RPRD2: variants seen among roughly 807,000 people sequenced by gnomAD.
RPRD2 encodes regulation of nuclear pre-mRNA domain containing 2, also known as regulation of nuclear pre-mRNA domain-containing protein 2.
RPRD2 carries 12 observed loss-of-function variants against 104.4 expected under a neutral mutation model. The observed-to-expected ratio is 0.11, with a 90% CI of 0.07 to 0.19. RPRD2 has a LOEUF of 0.19. RPRD2 is among the 10% of genes least tolerant of loss of function. The probability of loss-of-function intolerance (pLI) is 1.00; values close to 1 mark genes in which losing one functional copy is unlikely to be tolerated. For missense variants in RPRD2, 1,543 were observed against 1,790.1 expected (o/e 0.86, Z 2.49); for synonymous variants, 714 against 684.9 (o/e 1.04, Z -0.66).
intron 1 of RPRD2, among the ~76,000 whole-genome samples, chr1:150,393,422 A>T (rs901150683): frequency 2.7e-4 from 38 of 142,332 alleles, no homozygotes; most frequent in Admixed American, 4.6e-4. Flanking sequence ...CTGCCACTGC[A>T]CTCTAGCCTG....
At chr1:150,436,586 A>C (rs1404979156) in intron 2 of RPRD2, among the ~76,000 whole-genome samples, 4 of 149,498 alleles carry the variant, frequency 2.7e-5, no homozygotes, top group African/African-American at 9.9e-5. Flanking sequence ...GCAACAGAGC[A>C]AGACTCCGTC....
At chr1:150,452,158 AAG>A (rs869085085) in intron 7 of RPRD2, among the ~76,000 whole-genome samples, 1,579 of 97,836 alleles carry the variant, frequency 0.016, 38 homozygotes, top group African/African-American at 0.052. Context: ...AAAAAAAAAA[AAG>A]AGAGAGAGAG....
chr1:150,374,233 A>G (rs1408452475), intron 1 of RPRD2, among the ~76,000 whole-genome samples: 1 of 152,092 alleles, frequency 6.6e-6, no homozygotes, highest in Non-Finnish European at 1.5e-5. Context: ...ATCCAAAAGG[A>G]CTGGTTTTGG....
chr1:150,403,736 C>T (rs976379711), intron 1 of RPRD2, among the ~76,000 whole-genome samples: 6 of 152,014 alleles, frequency 3.9e-5, no homozygotes, highest in Non-Finnish European at 7.4e-5. Context: ...GCAACCTCTG[C>T]CTCCCAGGTT....
chr1:150,472,085 A>G lies in RPRD2; in HGVS notation c.3137A>G (p.Gln1046Arg). 1 of 1,613,808 alleles carries G rather than the reference A, an allele frequency of 6.2e-7. No homozygotes were observed. The highest frequency in any genetic ancestry group is 1.1e-5 in the South Asian group (1 of 91,088). ...SDGVSLSNLT[Q>R]PSLTATDQQQ... ...GGTGTCAGTCTCTCAAACCTCACCC[A>G]ACCCAGCTTGACCGCCACTGATCAG... Residue 1046 changes from glutamine to arginine, a missense_variant, in exon 11 of 11, where the codon CAA becomes CGA. Coordinates refer to ENST00000369068, the MANE Select transcript of RPRD2 (RefSeq NM_015203.5).
At chr1:150,412,964 T>A (rs1664050172) in intron 1 of RPRD2, among the ~76,000 whole-genome samples, 1 of 151,452 alleles carries the variant, frequency 6.6e-6, no homozygotes, top group Non-Finnish European at 1.5e-5. Context: ...ATAAATCTGA[T>A]CTTTTCTTAA....
At chr1:150,385,313 C>T (rs1661483810) in intron 1 of RPRD2, among the ~76,000 whole-genome samples, 1 of 151,696 alleles carries the variant, frequency 6.6e-6, no homozygotes, top group Non-Finnish European at 1.5e-5. Context: ...CGCACCACCC[C>T]CACCAAAAAA....
At chr1:150,435,933 C>A (rs1665958384) in intron 2 of RPRD2, among the ~76,000 whole-genome samples, 1 of 152,186 alleles carries the variant, frequency 6.6e-6, no homozygotes, top group Non-Finnish European at 1.5e-5. Context: ...GGAGCTAATA[C>A]AGCTGTCTGG....
Position 150,473,556 on chromosome 1 carries a change from TAAAAAAAAAA to T in RPRD2, c.*236_*245del, listed in dbSNP as rs61486244. Reference sequence around the variant, plus strand: ...TCTACCTTCCCCAAGTTGTTTGTATTAAAAAAAAAAAAAAAAAAAAAAAGTAAAGAAACAC... The same window carrying T: ...TCTACCTTCCCCAAGTTGTTTGTATTAAAAAAAAAAAAAGTAAAGAAACAC... On this transcript the variant is annotated 3_prime_UTR_variant, in exon 11 of 11. Coordinates refer to ENST00000369068, the MANE Select transcript of RPRD2 (RefSeq NM_015203.5). The T allele has an allele frequency of 8.1e-5, 8 of 98,396 alleles. No homozygotes were observed. Among genetic ancestry groups the T allele is most frequent in the Non-Finnish European group, 1.3e-4 (7 of 52,040 alleles). 6.1% of individuals were successfully genotyped at this position (98,396 alleles called of 1,614,324 possible).
At chr1:150,423,813 A>G (rs1001275946) in intron 2 of RPRD2, among the ~76,000 whole-genome samples, 1 of 149,320 alleles carries the variant, frequency 6.7e-6, no homozygotes, top group Non-Finnish European at 1.5e-5. Context: ...TTTTTTTGAG[A>G]CAGAGTTTCG....
Position 150,472,983 on chromosome 1 carries a change from A to G in RPRD2, c.4035A>G (p.Gly1345=), listed in dbSNP as rs1321693009. 6.2e-7 allele frequency: 1 copy of G among 1,613,886 alleles called. No individual in the cohort carries two copies. Among genetic ancestry groups the G allele is most frequent in the Non-Finnish European group, 8.5e-7 (1 of 1,179,854 alleles). The change falls in exon 11 of 11, where the codon GGA becomes GGG. Residue 1345 remains glycine, a synonymous_variant. Transcript: ENST00000369068. ...TLAEHFGVLP[G]PRDHGGPTQR... Reference sequence around the variant, plus strand: ...CTGAGCATTTTGGGGTACTCCCAGGACCCAGGGACCACGGGGGCCCCACCC... The same window carrying G: ...CTGAGCATTTTGGGGTACTCCCAGGGCCCAGGGACCACGGGGGCCCCACCC...
At chr1:150,398,249 T>C (rs1475497687) in intron 1 of RPRD2, among the ~76,000 whole-genome samples, 3 of 151,596 alleles carry the variant, frequency 2.0e-5, no homozygotes, top group African/African-American at 7.3e-5. Flanking sequence ...CAGGCTGGAG[T>C]GCAGTGGCGC....
intron 7 of RPRD2, among the ~76,000 whole-genome samples, chr1:150,447,432 T>C (rs1388823493): frequency 1.3e-5 from 2 of 151,640 alleles, no homozygotes; most frequent in Non-Finnish European, 2.9e-5. Context: ...CCTCCTGGGT[T>C]CAAGTGATTC....
chr1:150,406,303 C>T (rs781966764), intron 1 of RPRD2, among the ~76,000 whole-genome samples: 12 of 152,150 alleles, frequency 7.9e-5, no homozygotes, highest in Admixed American at 6.5e-4. Flanking sequence ...AGAACATATA[C>T]CCCCATGTTA....
chr1:150,383,409 G>C (rs1553881189), intron 1 of RPRD2, among the ~76,000 whole-genome samples: 1 of 149,748 alleles, frequency 6.7e-6, no homozygotes. Context: ...CCACCTCTCA[G>C]GTTCAAGCGA....
intron 9 of RPRD2, among the ~76,000 whole-genome samples, chr1:150,463,166 T>A (rs1048407351): frequency 6.6e-6 from 1 of 152,030 alleles, no homozygotes; most frequent in Non-Finnish European, 1.5e-5. Context: ...CGAAATTTTT[T>A]AAATAAATTT....
At position 150,471,681 on chromosome 1, in the gene RPRD2, G is replaced by T. The variant is rs776988265; in HGVS notation, c.2733G>T (p.Gly911=). The change falls in exon 11 of 11, where the codon GGG becomes GGT. Residue 911 remains glycine, a synonymous_variant. Transcript: ENST00000369068. This position sits in a 1 kb window ranked among gnomAD's most constrained non-coding sequence, Gnocchi z 5.3. ...ENCDRLSSSP[G]LFGAFSVRGN... is the part of the protein sequence containing the mutation. ...GTGACCGTCTCTCATCTTCCCCTGG[G>T]CTATTTGGTGCCTTCAGCGTAAGAG... is the stretch of plus-strand genomic sequence containing the variant. 1.2e-6 allele frequency: 2 copies of T among 1,613,836 alleles called. No homozygotes were observed. The highest frequency in any genetic ancestry group is 1.7e-6 in the Non-Finnish European group (2 of 1,179,876).
intron 2 of RPRD2, 128 bp downstream of exon 2, chr1:150,417,853 AT>A (rs1664462845): frequency 1.0e-5 from 6 of 577,060 alleles, no homozygotes; most frequent in Admixed American, 4.0e-5. Context: ...TAAATGGTTG[AT>A]TATTACTTTC....
At chr1:150,366,724 C>A (rs1456160172) in intron 1 of RPRD2, among the ~76,000 whole-genome samples, 2 of 152,170 alleles carry the variant, frequency 1.3e-5, no homozygotes, top group East Asian at 3.8e-4. Flanking sequence ...TAATGTTTAA[C>A]GTTCTTGGTA....
Sources: allele counts gnomAD v4.1 joint callset (sites outside exome capture counted in the v4.1 genomes callset), GRCh38; gene constraint gnomAD v4.1.1; non-coding constraint Gnocchi (gnomAD v3.1); transcripts MANE v1.5; gene names NCBI Gene and HGNC (gene_info 2026-07-23, HGNC 2026-07-21).